The following RARB variants were observed in gnomAD, a reference collection of about 807,000 sequenced individuals.
RARB encodes the protein HBV-activated protein.
In RARB, 17 loss-of-function variants were observed where a neutral mutation model predicts 51.9. The ratio of observed to expected loss-of-function variants is 0.33; its 90% CI spans 0.22 to 0.49. The LOEUF (loss-of-function observed/expected upper bound fraction) is 0.49, where lower values mean the gene tolerates loss of function less well. Ranked by LOEUF, RARB falls within the 20% of genes least tolerant of loss-of-function variation. The pLI is 0.99. For missense variants in RARB, 369 were observed against 550.8 expected, an observed-to-expected ratio of 0.67 and a Z score of 3.30; for synonymous variants, 215 against 195.4, an observed-to-expected ratio of 1.10 and a Z score of -0.84.
chr3:25,124,266 T>G (rs1422340241), intron 3 of RARB, among the ~76,000 whole-genome samples: 1 of 152,096 alleles, frequency 6.6e-6, no homozygotes, highest in African/African-American at 2.4e-5. Flanking sequence ...TTCAGCTACT[T>G]GGGAGGCTGA....
At chr3:25,070,665 C>A (rs147782230) in intron 3 of RARB, among the ~76,000 whole-genome samples, 1 of 152,162 alleles carries the variant, frequency 6.6e-6, no homozygotes, top group African/African-American at 2.4e-5. Flanking sequence ...AGACACAATC[C>A]CTGAGTGCTT....
chr3:25,503,017 A>G (rs2125608566), intron 3 of RARB, among the ~76,000 whole-genome samples: 1 of 152,372 alleles, frequency 6.6e-6, no homozygotes, highest in South Asian at 2.1e-4. Context: ...GGACTGGGTC[A>G]TCAGACAGGA....
intron 3 of RARB, among the ~76,000 whole-genome samples, chr3:25,125,292 T>A (rs577774946): frequency 6.6e-6 from 1 of 152,304 alleles, no homozygotes; most frequent in East Asian, 1.9e-4. Flanking sequence ...CACTTTTGTG[T>A]ATTCATTCAA....
intron 5 of RARB, among the ~76,000 whole-genome samples, chr3:25,215,649 C>T (rs1177766980): frequency 6.6e-6 from 1 of 152,084 alleles, no homozygotes; most frequent in African/African-American, 2.4e-5. Context: ...TAAGGGGATC[C>T]TTTCTCTCGA....
intron 2 of RARB, among the ~76,000 whole-genome samples, chr3:25,046,065 C>T (rs1432325905): frequency 1.4e-4 from 22 of 152,146 alleles, no homozygotes; most frequent in Admixed American, 1.4e-3. Flanking sequence ...TGTAGTCTGC[C>T]CGGCTCTTTT....
intron 3 of RARB, among the ~76,000 whole-genome samples, chr3:25,532,536 G>C (rs968153428): frequency 6.6e-6 from 1 of 152,186 alleles, no homozygotes; most frequent in Non-Finnish European, 1.5e-5. Flanking sequence ...TGTCGTGGTA[G>C]TTTCTCTAGT....
intron 3 of RARB, among the ~76,000 whole-genome samples, chr3:25,072,794 C>T (rs999972444): frequency 3.3e-5 from 5 of 151,880 alleles, no homozygotes; most frequent in Admixed American, 2.6e-4. Flanking sequence ...CTGCAAGCTC[C>T]GCCTCCTGGG....
chr3:24,830,095 C>A (rs1215229956), intron 1 of RARB, among the ~76,000 whole-genome samples: 1 of 152,138 alleles, frequency 6.6e-6, no homozygotes, highest in Middle Eastern at 3.2e-3. Flanking sequence ...AGGGACGCGG[C>A]CAGGGACCGA....
chr3:25,458,728 A>T (rs1441503887), intron 1 of RARB, among the ~76,000 whole-genome samples: 2 of 152,196 alleles, frequency 1.3e-5, no homozygotes, highest in Non-Finnish European at 2.9e-5. Flanking sequence ...ATCTACTAGG[A>T]CCTGTACTAC....
chr3:24,891,358 T>A (rs1280588734), intron 2 of RARB, among the ~76,000 whole-genome samples: 1 of 152,166 alleles, frequency 6.6e-6, no homozygotes, highest in East Asian at 1.9e-4. Context: ...TTCTGCTTAC[T>A]AAGAAGCCTC....
intron 2 of RARB, among the ~76,000 whole-genome samples, chr3:25,037,736 T>A (rs1446854742): frequency 6.6e-6 from 1 of 151,998 alleles, no homozygotes; most frequent in Non-Finnish European, 1.5e-5. Context: ...ATAGAGCTTA[T>A]ATATAGTGAA....
intron 3 of RARB, among the ~76,000 whole-genome samples, chr3:25,064,130 A>G (rs572908657): frequency 6.6e-6 from 1 of 152,296 alleles, no homozygotes; most frequent in South Asian, 2.1e-4. Flanking sequence ...CTTTAGTGAT[A>G]TAATGATAAC....
chr3:25,463,317 G>C (rs775315549), intron 2 of RARB, among the ~76,000 whole-genome samples: 2 of 152,164 alleles, frequency 1.3e-5, no homozygotes, highest in Non-Finnish European at 2.9e-5. Flanking sequence ...GGGGACCCTA[G>C]CTCCACTGCC....
chr3:25,083,349 T>A (rs1303075779), intron 3 of RARB, among the ~76,000 whole-genome samples: 1 of 152,188 alleles, frequency 6.6e-6, no homozygotes, highest in African/African-American at 2.4e-5. Flanking sequence ...TTTCCATTTT[T>A]AGCATCGTGC....
At chr3:25,488,576 C>A (rs182911207) in intron 2 of RARB, among the ~76,000 whole-genome samples, 2 of 152,304 alleles carry the variant, frequency 1.3e-5, no homozygotes, top group East Asian at 3.9e-4. Flanking sequence ...GGGTCTGACA[C>A]CCCATCTTTT....
At chr3:25,060,802 G>A (rs1698534111) in intron 3 of RARB, among the ~76,000 whole-genome samples, 1 of 151,822 alleles carries the variant, frequency 6.6e-6, no homozygotes, top group Non-Finnish European at 1.5e-5. Context: ...CATGAGTAGA[G>A]TGTGAGTACT....
At chr3:25,145,513 AAG>A (rs894866252) in intron 4 of RARB, among the ~76,000 whole-genome samples, 9 of 152,238 alleles carry the variant, frequency 5.9e-5, no homozygotes, top group African/African-American at 1.9e-4. Flanking sequence ...AAAAAAGAAA[AAG>A]AAATTGTACA....
chr3:25,241,318 T>G (rs1255637656), intron 5 of RARB, among the ~76,000 whole-genome samples: 1 of 152,188 alleles, frequency 6.6e-6, no homozygotes, highest in Non-Finnish European at 1.5e-5. Context: ...GTTTTATGTC[T>G]TTTTTTAAAT....
chr3:25,276,773 A>G (rs150109268), intron 5 of RARB, among the ~76,000 whole-genome samples: 6 of 152,284 alleles, frequency 3.9e-5, no homozygotes, highest in African/African-American at 9.6e-5. Context: ...AGTAAACCCA[A>G]TGGCTGTGTG....
Sources: allele counts gnomAD v4.1 joint callset (sites outside exome capture counted in the v4.1 genomes callset), GRCh38; gene constraint gnomAD v4.1.1; transcripts MANE v1.5; gene names NCBI Gene and HGNC (gene_info 2026-07-23, HGNC 2026-07-21).